Variants in XKR4 observed in about 807,000 individuals in gnomAD.
The protein encoded by XKR4 is XK related 4, also known as XK-related protein 4.
In XKR4, 12 loss-of-function variants were observed where a neutral mutation model predicts 53.9. The ratio of observed to expected loss-of-function variants is 0.22; its 90% confidence interval spans 0.14 to 0.36. The LOEUF is 0.36. Ranked by LOEUF, XKR4 falls within the 10% of genes least tolerant of loss-of-function variation. The pLI is 1.00. For missense variants in XKR4, 799 were observed against 859.5 expected, an observed-to-expected ratio of 0.93 and a Z score of 0.88; for synonymous variants, 354 against 362.4, an observed-to-expected ratio of 0.98 and a Z score of 0.26.
rs1203918537 is a variant in XKR4, at chr8:55,524,196, A to C, written c.1922A>C (p.Gln641Pro). ...CAGTACAAAGATGATGCCCTTATTC[A>C]GGAGCGGTTGGAGTACGAAACCACT... ...RLQYKDDALI[Q>P]ERLEYETTL Residue 641 changes from glutamine (Q) to proline (P), a missense_variant, in exon 3 of 3, where the codon CAG becomes CCG. This residue lies in a region of XKR4 where 269 missense variants were observed against 264.4 expected (regional missense o/e 1.02). Coordinates refer to ENST00000327381, the MANE Select transcript of XKR4 (RefSeq NM_052898.2). 3 of 1,614,030 alleles carry C rather than the reference A, an allele frequency of 1.9e-6. No homozygotes were observed. In the East Asian group the frequency reaches 6.7e-5, roughly 36 times the overall value.
chr8:55,417,582 C>G (rs180982377), intron 2 of XKR4, among the ~76,000 whole-genome samples: 1 of 152,222 alleles, frequency 6.6e-6, no homozygotes, highest in East Asian at 1.9e-4. Context: ...CTCCAACTTT[C>G]AAAAAAGTGT....
intron 1 of XKR4, among the ~76,000 whole-genome samples, chr8:55,123,211 T>A (rs1275703916): frequency 1.3e-5 from 2 of 152,246 alleles, no homozygotes; most frequent in Non-Finnish European, 2.9e-5. Context: ...ATATGGTCCA[T>A]GTCATTTAAT....
At chr8:55,365,910 G>A (rs561482943) in intron 2 of XKR4, among the ~76,000 whole-genome samples, 191 of 152,282 alleles carry the variant, frequency 1.3e-3, no homozygotes, top group African/African-American at 4.5e-3. Context: ...CTGGGTGACA[G>A]AAGGGGTGCA....
chr8:55,111,084 T>C (rs111513268), intron 1 of XKR4, among the ~76,000 whole-genome samples: 53 of 152,152 alleles, frequency 3.5e-4, no homozygotes, highest in Non-Finnish European at 6.3e-4. Flanking sequence ...GCATCTGTCC[T>C]TTTGGGAATT....
rs182456855 is a variant in XKR4 at position 55,196,393 on chromosome 8, G to A, written c.806+93099G>A. On this transcript the variant is annotated intron_variant, in intron 1 of 2. Transcript: ENST00000327381. ...AGATGGGGTTTCTCCATGTCGGTCA[G>A]GCTGGTCTTGAACTCCTGGCCTCAG... Among the ~76,000 whole-genome samples, 632 of 152,182 alleles carry A rather than the reference G, an allele frequency of 4.2e-3. 3 individuals are homozygous for A. The highest frequency in any genetic ancestry group is 6.5e-3 in the Admixed American group (99 of 15,288).
chr8:55,502,143 C>T (rs919383716), intron 2 of XKR4, among the ~76,000 whole-genome samples: 1 of 152,078 alleles, frequency 6.6e-6, no homozygotes, highest in African/African-American at 2.4e-5. Context: ...TGAATCTTTT[C>T]AATTTGAAAA....
chr8:55,428,297 C>T (rs1038489041), intron 2 of XKR4, among the ~76,000 whole-genome samples: 1 of 152,130 alleles, frequency 6.6e-6, no homozygotes, highest in Non-Finnish European at 1.5e-5. Context: ...CTTTTTGCCT[C>T]ATATGTTTCA....
At chr8:55,452,370 G>T in intron 2 of XKR4, 1 of 631,014 alleles carries the variant, frequency 1.6e-6, no homozygotes, top group Non-Finnish European at 2.9e-6. Flanking sequence ...GAGCATCCCC[G>T]TGAAGATGAC....
intron 1 of XKR4, among the ~76,000 whole-genome samples, chr8:55,306,499 GA>G (rs1819302045): frequency 6.6e-6 from 1 of 152,198 alleles, no homozygotes; most frequent in Non-Finnish European, 1.5e-5. Context: ...TGTGGCTGGG[GA>G]AGCCTCACTA....
chr8:55,209,696 G>C (rs562408639), intron 1 of XKR4, among the ~76,000 whole-genome samples: 3 of 152,182 alleles, frequency 2.0e-5, no homozygotes, highest in Non-Finnish European at 2.9e-5. Context: ...GGCCAGGTGC[G>C]TGTTGCTGCA....
chr8:55,319,563 C>T (rs558103634), intron 1 of XKR4, among the ~76,000 whole-genome samples: 3 of 152,258 alleles, frequency 2.0e-5, no homozygotes, highest in South Asian at 2.1e-4. Flanking sequence ...GAAACTGTAA[C>T]GTGCTGCTGG....
chr8:55,249,557 C>T (rs185295068), intron 1 of XKR4, among the ~76,000 whole-genome samples: 4 of 152,264 alleles, frequency 2.6e-5, no homozygotes, highest in East Asian at 3.9e-4. Context: ...TATGGATTTA[C>T]GGTTTCAAAT....
intron 2 of XKR4, among the ~76,000 whole-genome samples, chr8:55,468,583 T>C (rs1001117082): frequency 2.0e-5 from 3 of 152,162 alleles, no homozygotes; most frequent in African/African-American, 7.2e-5. Context: ...GATGAAATAT[T>C]TCTGTGACAG....
intron 1 of XKR4, among the ~76,000 whole-genome samples, chr8:55,132,404 A>G (rs1816568668): frequency 6.6e-6 from 1 of 152,224 alleles, no homozygotes; most frequent in Non-Finnish European, 1.5e-5. Flanking sequence ...GTTTTTCCCT[A>G]TATGTACATA....
intron 2 of XKR4, among the ~76,000 whole-genome samples, chr8:55,493,696 A>C (rs1806302794): frequency 6.6e-6 from 1 of 152,216 alleles, no homozygotes; most frequent in African/African-American, 2.4e-5. Flanking sequence ...TTTATTTAAT[A>C]AGCAGTGGCA....
At chr8:55,157,499 T>G (rs933827802) in intron 1 of XKR4, among the ~76,000 whole-genome samples, 4 of 149,932 alleles carry the variant, frequency 2.7e-5, no homozygotes, top group Admixed American at 2.0e-4. Context: ...TGGAAATACT[T>G]TTTTTTTTTA....
rs1805471587 is a variant in XKR4 at position 55,452,621 on chromosome 8, T to G, written c.1007-70660T>G. 6 of 1,226,420 alleles carry G rather than the reference T, an allele frequency of 4.9e-6. No individual in the cohort carries two copies. In the South Asian group the frequency reaches 7.2e-5, roughly 15 times the overall value. 76.0% of individuals were successfully genotyped at this position (1,226,420 alleles called of 1,614,324 possible). ...TCTTAATGTTTATCTGGACGATGTC[T>G]GGCACCATGACATGCAGCCCCTTGA... On this transcript the variant is annotated intron_variant, in intron 2 of 2. Coordinates refer to ENST00000327381, the MANE Select transcript of XKR4 (RefSeq NM_052898.2).
intron 2 of XKR4, among the ~76,000 whole-genome samples, chr8:55,493,077 G>A (rs1806293647): frequency 1.3e-5 from 2 of 152,154 alleles, no homozygotes; most frequent in Admixed American, 1.3e-4. Flanking sequence ...AGGATAGTGT[G>A]GGCCAAGTGG....
At chr8:55,511,601 C>T (rs901808271) in intron 2 of XKR4, among the ~76,000 whole-genome samples, 6 of 152,218 alleles carry the variant, frequency 3.9e-5, no homozygotes, top group African/African-American at 1.2e-4. Context: ...GCCACTAAAA[C>T]CTGCTTCTGT....
Sources: allele counts gnomAD v4.1 joint callset (sites outside exome capture counted in the v4.1 genomes callset), GRCh38; gene constraint gnomAD v4.1.1; regional missense constraint gnomAD v4.1.1; transcripts MANE v1.5; gene names NCBI Gene and HGNC (gene_info 2026-07-23, HGNC 2026-07-21).